KALRN: variants seen among roughly 807,000 people sequenced by gnomAD.
KALRN encodes kalirin RhoGEF kinase, also known as kalirin.
KALRN carries 70 observed loss-of-function variants against 353.7 expected under a neutral mutation model. That is an observed-to-expected ratio of 0.20 (90% CI 0.16 to 0.24). The LOEUF is 0.24. KALRN is among the 10% of genes least tolerant of loss of function. The pLI is 1.00. For synonymous variants in KALRN, 1,391 were observed against 1,434.8 expected, an observed-to-expected ratio of 0.97 and a Z score of 0.69; for missense variants, 2,791 against 3,756.7, an observed-to-expected ratio of 0.74 and a Z score of 6.72.
chr3:124,349,039 C>A (rs937989964), intron 10 of KALRN, among the ~76,000 whole-genome samples: 1 of 152,170 alleles, frequency 6.6e-6, no homozygotes, highest in Admixed American at 6.6e-5. Context: ...TATTTATACA[C>A]CCATTTTCAC....
At chr3:124,043,956 G>A (rs2040196291) in intron 1 of KALRN, among the ~76,000 whole-genome samples, 1 of 152,054 alleles carries the variant, frequency 6.6e-6, no homozygotes, top group Non-Finnish European at 1.5e-5. Flanking sequence ...CTGAGGAGGG[G>A]TCAATGTCTG....
At chr3:124,411,568 A>G (rs2092161783) in intron 13 of KALRN, among the ~76,000 whole-genome samples, 1 of 149,372 alleles carries the variant, frequency 6.7e-6, no homozygotes, top group Non-Finnish European at 1.5e-5. Flanking sequence ...CAGCCTCCCA[A>G]GTTGCAAGGA....
At chr3:124,718,283 G>C (rs187666488) in intron 59 of KALRN, among the ~76,000 whole-genome samples, 161 of 151,924 alleles carry the variant, frequency 1.1e-3, no homozygotes, top group African/African-American at 3.7e-3. Context: ...ACCATGCCTG[G>C]CTAATTTTTT....
chr3:124,495,217 T>C (rs1429969703), intron 32 of KALRN, among the ~76,000 whole-genome samples: 1 of 152,150 alleles, frequency 6.6e-6, no homozygotes, highest in African/African-American at 2.4e-5. Flanking sequence ...CTGTGGAACC[T>C]GTGACTGTTC....
At chr3:124,672,181 C>T (rs769134634) in intron 48 of KALRN, among the ~76,000 whole-genome samples, 1 of 152,190 alleles carries the variant, frequency 6.6e-6, no homozygotes, top group Non-Finnish European at 1.5e-5. Context: ...TTCCTGGCCT[C>T]AGGCGATATG....
In KALRN at chr3:124,479,754, C is replaced by T. The variant is rs372423839; in HGVS notation, c.4191+2420C>T. Among the ~76,000 whole-genome samples, 581 of 137,674 alleles carry T rather than the reference C, an allele frequency of 4.2e-3. 10 individuals are homozygous for T. The highest frequency in any genetic ancestry group is 0.015 in the African/African-American group (554 of 36,884). The allele number at this position is 137,674 out of a possible 152,430, so 90.3% of individuals were successfully genotyped here. A position where few individuals can be genotyped will look rare whatever the true frequency, so the allele number is the denominator to read the frequency against. ...TTTTTTTTTTTTTGAGACGGAGTCT[C>T]GCTCTGTTGCCCAGACTGGAGTGCA... is the stretch of plus-strand genomic sequence containing the variant. On this transcript the variant is annotated intron_variant, in intron 27 of 59. Transcript: ENST00000682506.
At chr3:124,460,758 C>G (rs2059774257) in intron 23 of KALRN, among the ~76,000 whole-genome samples, 1 of 152,180 alleles carries the variant, frequency 6.6e-6, no homozygotes, top group South Asian at 2.1e-4. Context: ...ACTTTTTACT[C>G]TACCAATAGA....
At chr3:124,390,062 G>A (rs1174876572) in intron 11 of KALRN, among the ~76,000 whole-genome samples, 1 of 152,096 alleles carries the variant, frequency 6.6e-6, no homozygotes, top group African/African-American at 2.4e-5. Flanking sequence ...TTTTGCCTGG[G>A]GCCAAGAGGG....
chr3:124,271,032 C>T (rs1277804093), intron 5 of KALRN, among the ~76,000 whole-genome samples: 7 of 152,064 alleles, frequency 4.6e-5, no homozygotes, highest in African/African-American at 9.6e-5. Context: ...GGGGTTTCAC[C>T]GTGTTAGCCA....
Position 124,642,806 on chromosome 3 carries a change from G to GTTGTTCTTTTTTT in KALRN, c.5664+5505_5664+5506insGTTCTTTTTTTTT, listed in dbSNP as rs796628603. ...TCTGTGGAAGAGATTCCCAAGCCTCGTTTTTTTTTTTTTTTTTTTTGAGAC... is the reference window on the plus strand; with the variant it reads ...TCTGTGGAAGAGATTCCCAAGCCTCGTTGTTCTTTTTTTTTTTTTTTTTTTTTTTTTTTGAGAC... On this transcript the variant is annotated intron_variant, in intron 37 of 59. Coordinates refer to ENST00000682506, the MANE Select transcript of KALRN (RefSeq NM_001388419.1). Among the ~76,000 whole-genome samples, 3 of 96,840 alleles carry GTTGTTCTTTTTTT rather than the reference G, an allele frequency of 3.1e-5. 1 individual carries two copies. Among genetic ancestry groups the GTTGTTCTTTTTTT allele is most frequent in the African/African-American group, 1.3e-4 (3 of 22,280 alleles). 63.5% of individuals were successfully genotyped at this position (96,840 alleles called of 152,430 possible). A position where few individuals can be genotyped will look rare whatever the true frequency, so the allele number is the denominator to read the frequency against.
At chr3:124,476,733 A>T (rs2061464262) in intron 26 of KALRN, among the ~76,000 whole-genome samples, 1 of 152,046 alleles carries the variant, frequency 6.6e-6, no homozygotes, top group South Asian at 2.1e-4. Context: ...TTTCCCCATG[A>T]TTGCTCTGGG....
At chr3:124,464,285 G>A (rs570650778) in intron 25 of KALRN, among the ~76,000 whole-genome samples, 6 of 148,758 alleles carry the variant, frequency 4.0e-5, no homozygotes, top group South Asian at 2.1e-4. Context: ...ATCACAGCAC[G>A]CACTTTCTGG....
At chr3:124,072,285 C>T (rs768004092) in intron 1 of KALRN, among the ~76,000 whole-genome samples, 3 of 152,214 alleles carry the variant, frequency 2.0e-5, no homozygotes, top group South Asian at 4.1e-4. Flanking sequence ...TGTTCTGTTC[C>T]GATCTGCTCC....
At chr3:124,075,899 ACT>A (rs1275852946) in intron 1 of KALRN, among the ~76,000 whole-genome samples, 2 of 151,888 alleles carry the variant, frequency 1.3e-5, no homozygotes, top group African/African-American at 2.4e-5. Context: ...GTCAGGGCAA[ACT>A]CTGTTTCTGA....
At chr3:124,521,089 T>C (rs2067127106) in intron 33 of KALRN, among the ~76,000 whole-genome samples, 1 of 152,218 alleles carries the variant, frequency 6.6e-6, no homozygotes, top group Non-Finnish European at 1.5e-5. Context: ...TGTCCTGCTC[T>C]TCCTTGTGTG....
chr3:124,410,029 G>A (rs2091996018), intron 13 of KALRN, among the ~76,000 whole-genome samples: 1 of 152,066 alleles, frequency 6.6e-6, no homozygotes, highest in Non-Finnish European at 1.5e-5. Context: ...CAATTCAATG[G>A]TGTCAGATGA....
intron 3 of KALRN, among the ~76,000 whole-genome samples, chr3:124,240,741 A>G (rs1008196393): frequency 6.6e-6 from 1 of 152,156 alleles, no homozygotes; most frequent in African/African-American, 2.4e-5. Context: ...GAATGGATTC[A>G]AGGTGCAAAT....
chr3:124,448,409 C>T (rs1413490834), intron 21 of KALRN, among the ~76,000 whole-genome samples: 2 of 152,096 alleles, frequency 1.3e-5, no homozygotes, highest in Non-Finnish European at 1.5e-5. Context: ...GGATAATGCT[C>T]CACAACTCTA....
intron 6 of KALRN, among the ~76,000 whole-genome samples, chr3:124,300,991 T>G (rs2077222301): frequency 6.6e-6 from 1 of 152,234 alleles, no homozygotes; most frequent in South Asian, 2.1e-4. Flanking sequence ...ATTATTTGTG[T>G]GCCTTGTGGA....
Sources: gnomAD v4.1 joint callset for allele counts (sites outside exome capture counted in the v4.1 genomes callset) on GRCh38, gnomAD v4.1.1 for gene constraint, MANE v1.5 for transcripts, NCBI Gene and HGNC (gene_info 2026-07-23, HGNC 2026-07-21) for gene names.